Variants in DAB1 observed in about 807,000 individuals in gnomAD.
The protein encoded by DAB1 is disabled homolog 1.
DAB1 carries 15 observed loss-of-function variants against 64.6 expected under a neutral mutation model. The observed-to-expected ratio is 0.23, with a 90% CI of 0.16 to 0.36. The LOEUF (loss-of-function observed/expected upper bound fraction) is 0.36. Ranked by LOEUF, DAB1 falls within the 10% of genes least tolerant of loss-of-function variation. The probability of loss-of-function intolerance (pLI) is 1.00; values close to 1 mark genes in which losing one functional copy is unlikely to be tolerated. For missense variants in DAB1, 596 were observed against 706.7 expected (o/e 0.84, Z 1.78); for synonymous variants, 235 against 251.9 (o/e 0.93, Z 0.64).
At chr1:57,756,667 C>T (rs1648822308) in intron 6 of DAB1, among the ~76,000 whole-genome samples, 1 of 148,514 alleles carries the variant, frequency 6.7e-6, no homozygotes, top group Non-Finnish European at 1.5e-5. Context: ...TTCCGTACTG[C>T]AGGCAATAAA....
intron 2 of DAB1, 73 bp downstream of exon 2, chr1:57,290,891 T>C (rs1672727203): frequency 1.2e-6 from 1 of 860,026 alleles, no homozygotes; most frequent in Non-Finnish European, 1.9e-6. Context: ...TTTCTTTATA[T>C]CATTCCAGAG....
At chr1:57,046,800 G>T (rs1432892428) in intron 9 of DAB1, among the ~76,000 whole-genome samples, 1 of 152,220 alleles carries the variant, frequency 6.6e-6, no homozygotes, top group Non-Finnish European at 1.5e-5. Context: ...GCATCTTGGA[G>T]GGAGTACTAT....
intron 7 of DAB1, among the ~76,000 whole-genome samples, chr1:57,506,879 C>T (rs536623668): frequency 6.6e-6 from 1 of 152,296 alleles, no homozygotes; most frequent in Non-Finnish European, 1.5e-5. Context: ...TAGATTTGAT[C>T]TGTTTTTCTC....
rs755487028 is a variant in DAB1 at position 57,902,100 on chromosome 1, T to C, written n.388-17938A>G. Among the ~76,000 whole-genome samples the C allele has an allele frequency of 3.6e-4, 53 of 148,588 alleles. 1 individual carries two copies. The highest frequency in any genetic ancestry group is 4.7e-4 in the Non-Finnish European group (32 of 67,588). On this transcript the variant is annotated intron_variant and non_coding_transcript_variant, in intron 5 of 20. Transcript: ENST00000485760. ...TGAGTTCAGGAGGTGGAGGTTGCCG[T>C]GAGCCAAGATAACACCACTGGTCTC...
chr1:57,824,303 C>T (rs1381502395), downstream of DAB1, among the ~76,000 whole-genome samples: 1 of 152,156 alleles, frequency 6.6e-6, no homozygotes, highest in Non-Finnish European at 1.5e-5. Context: ...GTTCACCTTC[C>T]ATGCTGTGAA....
chr1:57,851,190 AC>A (rs1475168651), intron 1 of DAB1, among the ~76,000 whole-genome samples: 1 of 152,236 alleles, frequency 6.6e-6, no homozygotes, highest in Non-Finnish European at 1.5e-5. Flanking sequence ...AGTTACAAAG[AC>A]CACATGTGTA....
intron 4 of DAB1, among the ~76,000 whole-genome samples, chr1:58,171,284 C>T (rs988262063): frequency 2.0e-5 from 3 of 152,118 alleles, no homozygotes; most frequent in Non-Finnish European, 4.4e-5. Flanking sequence ...GCTTAAAGAC[C>T]TCACCACTTT....
At chr1:57,659,394 A>G (rs1646358076) in intron 6 of DAB1, among the ~76,000 whole-genome samples, 1 of 152,234 alleles carries the variant, frequency 6.6e-6, no homozygotes. Flanking sequence ...CACAGATATT[A>G]CATGCTAGAA....
chr1:58,281,575 T>C (rs568008066), intron 4 of DAB1, among the ~76,000 whole-genome samples: 1 of 152,234 alleles, frequency 6.6e-6, no homozygotes, highest in African/African-American at 2.4e-5. Context: ...AGAGTGTTTT[T>C]TTTTCTATAG....
intron 6 of DAB1, among the ~76,000 whole-genome samples, chr1:57,757,606 T>A (rs1648877709): frequency 6.6e-6 from 1 of 152,136 alleles, no homozygotes; most frequent in South Asian, 2.1e-4. Context: ...TGTGTCTAAA[T>A]TTCCCCTTTT....
rs572054902 is a variant in DAB1 at position 57,056,625 on chromosome 1, G to A, written c.723+6259C>T. 2.0e-5 allele frequency among the ~76,000 whole-genome samples: 3 copies of A among 152,272 alleles called. No individual in the cohort carries two copies. In the East Asian group the frequency reaches 5.8e-4, roughly 29 times the overall value. Reference sequence around the variant, plus strand: ...CACACCTGTAATCCCAGCACTTTGGGAGACTGAGGCAGGTGGATCACCTGA... The same window carrying A: ...CACACCTGTAATCCCAGCACTTTGGAAGACTGAGGCAGGTGGATCACCTGA... On this transcript the variant is annotated intron_variant, in intron 9 of 14. Transcript: ENST00000371236.
chr1:57,708,467 G>A (rs1646992281), intron 6 of DAB1, among the ~76,000 whole-genome samples: 1 of 152,228 alleles, frequency 6.6e-6, no homozygotes, highest in East Asian at 1.9e-4. Context: ...GCACTGAGTT[G>A]CACTCAAAGT....
intron 4 of DAB1, among the ~76,000 whole-genome samples, chr1:57,108,696 G>A (rs1173518268): frequency 6.6e-6 from 1 of 152,222 alleles, no homozygotes; most frequent in Non-Finnish European, 1.5e-5. Context: ...GGACTGTGGA[G>A]TGAGATTGCT....
intron 1 of DAB1, among the ~76,000 whole-genome samples, chr1:57,344,007 C>G (rs1047805829): frequency 1.2e-4 from 19 of 152,276 alleles, no homozygotes; most frequent in African/African-American, 4.3e-4. Context: ...GTGCCAGCCA[C>G]TGTGTAAGCA....
intron 1 of DAB1, among the ~76,000 whole-genome samples, chr1:57,301,669 C>T (rs1034576936): frequency 2.0e-5 from 3 of 152,182 alleles, no homozygotes; most frequent in Non-Finnish European, 4.4e-5. Context: ...CTTCCACAAG[C>T]TGCATTTCAT....
At chr1:57,216,237 G>A (rs1352080464) in intron 2 of DAB1, among the ~76,000 whole-genome samples, 6 of 151,724 alleles carry the variant, frequency 4.0e-5, no homozygotes, top group African/African-American at 1.2e-4. Flanking sequence ...TGATCCTTTC[G>A]GCCTCCTTAC....
chr1:58,184,296 CATA>C (rs1164176146), intron 4 of DAB1, among the ~76,000 whole-genome samples: 1 of 147,928 alleles, frequency 6.8e-6, no homozygotes, highest in Non-Finnish European at 1.5e-5. Flanking sequence ...TGATATATAA[CATA>C]ATAATATATA....
chr1:57,196,537 G>A (rs1426743715), intron 2 of DAB1, among the ~76,000 whole-genome samples: 1 of 152,256 alleles, frequency 6.6e-6, no homozygotes, highest in East Asian at 1.9e-4. Flanking sequence ...CTAAAGAAAG[G>A]GCTTTAATAA....
chr1:57,897,295 A>ATTACTTC (rs1478800233), intron 5 of DAB1, among the ~76,000 whole-genome samples: 1 of 152,158 alleles, frequency 6.6e-6, no homozygotes, highest in Non-Finnish European at 1.5e-5. Context: ...CCATGGGAAA[A>ATTACTTC]TGTTTAATTA....
Sources: allele counts gnomAD v4.1 joint callset (sites outside exome capture counted in the v4.1 genomes callset), GRCh38; gene constraint gnomAD v4.1.1; transcripts MANE v1.5; gene names NCBI Gene and HGNC (gene_info 2026-07-23, HGNC 2026-07-21).